GRID2: variants seen among roughly 807,000 people sequenced by gnomAD.
GRID2 encodes the protein glutamate ionotropic receptor delta type subunit 2.
Under a neutral mutation model 114.8 loss-of-function variants are expected in GRID2, and 33 were observed. The ratio of observed to expected loss-of-function variants is 0.29; its 90% CI spans 0.22 to 0.38. The LOEUF (loss-of-function observed/expected upper bound fraction) is 0.38, where lower values mean the gene tolerates loss of function less well. Ranked by LOEUF, GRID2 falls within the 10% of genes least tolerant of loss-of-function variation. The probability of loss-of-function intolerance (pLI) is 1.00; values close to 1 mark genes in which losing one functional copy is unlikely to be tolerated. For missense variants in GRID2, 1,184 were observed against 1,257.7 expected, an observed-to-expected ratio of 0.94 and a Z score of 0.89; for synonymous variants, 505 against 449.9, an observed-to-expected ratio of 1.12 and a Z score of -1.55.
intron 8 of GRID2, among the ~76,000 whole-genome samples, chr4:93,383,306 A>G (rs569160807): frequency 6.6e-6 from 1 of 152,264 alleles, no homozygotes; most frequent in South Asian, 2.1e-4. Context: ...TTGGATTATA[A>G]CATTCCTTTT....
At chr4:92,977,208 T>C (rs895828655) in intron 2 of GRID2, among the ~76,000 whole-genome samples, 27 of 152,230 alleles carry the variant, frequency 1.8e-4, no homozygotes, top group African/African-American at 6.0e-4. Flanking sequence ...TTGTAAAAAG[T>C]GCGATTAACA....
At chr4:92,689,530 C>T (rs541260819) in intron 2 of GRID2, among the ~76,000 whole-genome samples, 2 of 152,202 alleles carry the variant, frequency 1.3e-5, no homozygotes, top group Non-Finnish European at 1.5e-5. Flanking sequence ...ACATCAGCAG[C>T]GTCATTAGAT....
In GRID2 at chr4:92,920,881, T is replaced by G. The variant is rs539056065; in HGVS notation, c.245-164114T>G. Among the ~76,000 whole-genome samples, 206 of 152,292 alleles carry G rather than the reference T, an allele frequency of 1.4e-3. 1 individual carries two copies. The highest frequency in any genetic ancestry group is 4.8e-3 in the African/African-American group (199 of 41,566). ...GTGGTGTTCTCTGTATTTCCTAAAT[T>G]TGAATGTTGGTCTGCCTTGCTAGAT... is the stretch of plus-strand genomic sequence containing the variant. On this transcript the variant is annotated intron_variant, in intron 2 of 15. Coordinates refer to ENST00000282020, the MANE Select transcript of GRID2 (RefSeq NM_001510.4).
chr4:93,239,604 A>T (rs1156781706), intron 8 of GRID2, among the ~76,000 whole-genome samples: 2 of 151,544 alleles, frequency 1.3e-5, no homozygotes, highest in African/African-American at 4.8e-5. Flanking sequence ...TGCATTTAAA[A>T]TTTTTGTTTT....
intron 10 of GRID2, among the ~76,000 whole-genome samples, chr4:93,432,511 G>A (rs538091898): frequency 4.5e-4 from 69 of 152,230 alleles, no homozygotes; most frequent in African/African-American, 1.4e-3. Context: ...ACTGAAATAC[G>A]AAAGTTCTAG....
chr4:92,979,336 A>G (rs1263348446), intron 2 of GRID2, among the ~76,000 whole-genome samples: 1 of 151,998 alleles, frequency 6.6e-6, no homozygotes, highest in South Asian at 2.1e-4. Context: ...AGCTCCCTTT[A>G]TAATTTATTA....
intron 13 of GRID2, among the ~76,000 whole-genome samples, chr4:93,541,779 A>C (rs1732678743): frequency 6.6e-6 from 1 of 152,154 alleles, no homozygotes; most frequent in Admixed American, 6.5e-5. Flanking sequence ...AGTAACTTGA[A>C]AAAATTATCC....
chr4:92,647,219 T>A (rs1239180811), intron 2 of GRID2, among the ~76,000 whole-genome samples: 5 of 152,186 alleles, frequency 3.3e-5, no homozygotes, highest in Non-Finnish European at 7.4e-5. Context: ...GTTATGGGGA[T>A]TAAATTAATG....
chr4:92,946,951 G>T (rs1376441230), intron 2 of GRID2, among the ~76,000 whole-genome samples: 1 of 152,000 alleles, frequency 6.6e-6, no homozygotes, highest in African/African-American at 2.4e-5. Flanking sequence ...ATTGGTAAAA[G>T]GGTAACTCAC....
intron 13 of GRID2, among the ~76,000 whole-genome samples, chr4:93,554,897 A>G (rs923827859): frequency 1.3e-5 from 2 of 152,090 alleles, no homozygotes; most frequent in African/African-American, 4.8e-5. Flanking sequence ...TGCATTTCCA[A>G]CTGAGGTACT....
chr4:93,077,190 A>G (rs182063192), intron 2 of GRID2, among the ~76,000 whole-genome samples: 7 of 152,338 alleles, frequency 4.6e-5, no homozygotes, highest in Admixed American at 4.6e-4. Context: ...TTTGAGAAAC[A>G]TTAGGAGTAA....
At chr4:93,805,141 C>A (rs1050170444) in intron 1 of GRID2, among the ~76,000 whole-genome samples, 2 of 152,176 alleles carry the variant, frequency 1.3e-5, no homozygotes, top group South Asian at 2.1e-4. Flanking sequence ...CTTCACACTG[C>A]ATGCTAGTCT....
At chr4:92,439,221 T>G (rs1732893567) in intron 1 of GRID2, among the ~76,000 whole-genome samples, 1 of 152,048 alleles carries the variant, frequency 6.6e-6, no homozygotes, top group Non-Finnish European at 1.5e-5. Flanking sequence ...TTTCACAAGG[T>G]AATGTCATCA....
At chr4:92,625,763 A>G (rs1579711207) in intron 2 of GRID2, among the ~76,000 whole-genome samples, 1 of 152,060 alleles carries the variant, frequency 6.6e-6, no homozygotes, top group South Asian at 2.1e-4. Context: ...ATGCTAGCCT[A>G]TATTATTGTA....
At chr4:93,198,817 T>C (rs1440748478) in intron 4 of GRID2, among the ~76,000 whole-genome samples, 1 of 152,132 alleles carries the variant, frequency 6.6e-6, no homozygotes. Flanking sequence ...ACGTGATGAA[T>C]AGACTTGAAA....
intron 1 of GRID2, among the ~76,000 whole-genome samples, chr4:93,806,324 T>G (rs1170759115): frequency 3.9e-5 from 6 of 152,218 alleles, no homozygotes; most frequent in Non-Finnish European, 8.8e-5. Flanking sequence ...TGACTGTATA[T>G]CGACACCAAC....
At chr4:93,569,382 C>T (rs546493265) in intron 13 of GRID2, among the ~76,000 whole-genome samples, 11 of 152,202 alleles carry the variant, frequency 7.2e-5, no homozygotes, top group South Asian at 6.2e-4. Flanking sequence ...CCTCAACTCA[C>T]GCATCCTTTT....
chr4:93,005,284 G>A (rs965958178), intron 2 of GRID2, among the ~76,000 whole-genome samples: 2 of 152,056 alleles, frequency 1.3e-5, no homozygotes, highest in Admixed American at 1.3e-4. Context: ...ATTCTTGAAT[G>A]ATAATTTATC....
intron 2 of GRID2, among the ~76,000 whole-genome samples, chr4:92,971,865 G>A (rs775606543): frequency 2.0e-5 from 3 of 151,938 alleles, no homozygotes; most frequent in African/African-American, 7.2e-5. Flanking sequence ...TACAAATAAT[G>A]GGATTTCATT....
Sources: allele counts gnomAD v4.1 joint callset (sites outside exome capture counted in the v4.1 genomes callset), GRCh38; gene constraint gnomAD v4.1.1; transcripts MANE v1.5; gene names NCBI Gene and HGNC (gene_info 2026-07-23, HGNC 2026-07-21).